The following ZNF609 variants were observed in gnomAD, a reference collection of about 807,000 sequenced individuals.
ZNF609 encodes zinc finger protein 609.
In ZNF609, 11 loss-of-function variants were observed where a neutral mutation model predicts 109.5. That is an observed-to-expected ratio of 0.10 (90% CI 0.06 to 0.17). The LOEUF is 0.17. ZNF609 is among the 10% of genes least tolerant of loss of function. ZNF609 has a pLI of 1.00. For missense variants in ZNF609, 1,559 were observed against 1,772.4 expected (o/e 0.88, Z 2.16); for synonymous variants, 646 against 662.0 (o/e 0.98, Z 0.37).
chr15:64,645,040 CCTTT>C (rs1283058985), intron 3 of ZNF609, among the ~76,000 whole-genome samples: 9 of 142,136 alleles, frequency 6.3e-5, no homozygotes, highest in Admixed American at 2.2e-4. Context: ...TTTCTTCCTT[CCTTT>C]CTTTCTTCCT....
intron 3 of ZNF609, among the ~76,000 whole-genome samples, chr15:64,627,820 G>A (rs558113883): frequency 1.2e-4 from 18 of 150,558 alleles, no homozygotes; most frequent in East Asian, 6.0e-4. Context: ...GGCATGTGCC[G>A]CCGTACTCAG....
At position 64,479,284 on chromosome 15, in the gene ZNF609, A is replaced by ATTTTTTT. The variant is rs34496032; in HGVS notation, c.-128+18465_-128+18471dup. 3.5e-4 allele frequency among the ~76,000 whole-genome samples: 30 copies of ATTTTTTT among 86,530 alleles called. 1 individual carries two copies. The highest frequency in any genetic ancestry group is 8.2e-4 in the African/African-American group (16 of 19,504). 56.8% of individuals were successfully genotyped at this position (86,530 alleles called of 152,430 possible). On this transcript the variant is annotated intron_variant, in intron 1 of 9. Transcript: ENST00000326648. The stretch of plus-strand genomic sequence containing the variant: ...AAAACCTATATATTGTACCTGTGTG[A>ATTTTTTT]TTTTTTTTTTTTTTTTTTTTTTTTT...
At chr15:64,511,238 G>A (rs1044467837) in intron 2 of ZNF609, among the ~76,000 whole-genome samples, 1 of 152,052 alleles carries the variant, frequency 6.6e-6, no homozygotes, top group Non-Finnish European at 1.5e-5. Flanking sequence ...TTGGAAGGCC[G>A]AGGCAGGTGG....
intron 2 of ZNF609, among the ~76,000 whole-genome samples, chr15:64,612,878 G>T (rs1895739817): frequency 6.6e-6 from 1 of 151,998 alleles, no homozygotes; most frequent in Non-Finnish European, 1.5e-5. Context: ...AGCCAGGTGT[G>T]GTGGCATGCG....
intron 3 of ZNF609, among the ~76,000 whole-genome samples, chr15:64,659,167 T>C (rs547152753): frequency 6.6e-6 from 1 of 152,294 alleles, no homozygotes; most frequent in South Asian, 2.1e-4. Context: ...CCCATTGTTG[T>C]TAGAAATAAC....
At chr15:64,528,543 C>G in intron 2 of ZNF609, 1 of 560,968 alleles carries the variant, frequency 1.8e-6, no homozygotes, top group South Asian at 2.1e-5. Flanking sequence ...TCCAAGGGGT[C>G]TGCATGGAAA....
intron 2 of ZNF609, among the ~76,000 whole-genome samples, chr15:64,590,007 C>G (rs1406697670): frequency 6.6e-6 from 1 of 152,100 alleles, no homozygotes. Flanking sequence ...AAACATTATT[C>G]AAGTTTGCTA....
At chr15:64,634,148 A>AG (rs1896132628) in intron 3 of ZNF609, among the ~76,000 whole-genome samples, 1 of 152,036 alleles carries the variant, frequency 6.6e-6, no homozygotes, top group East Asian at 1.9e-4. Flanking sequence ...GAGTATGAAG[A>AG]GGGTGGGTAA....
intron 2 of ZNF609, among the ~76,000 whole-genome samples, chr15:64,616,621 G>A (rs1437093461): frequency 2.2e-5 from 3 of 139,232 alleles, no homozygotes; most frequent in South Asian, 2.3e-4. Context: ...CCAGGTTCAC[G>A]CCATTCTCCT....
At chr15:64,599,368 G>C (rs1338392168) in intron 2 of ZNF609, among the ~76,000 whole-genome samples, 2 of 151,982 alleles carry the variant, frequency 1.3e-5, no homozygotes, top group Admixed American at 6.6e-5. Context: ...ATGTTTGTCT[G>C]TTTGTTCATA....
chr15:64,605,593 A>G (rs970860246), intron 2 of ZNF609, among the ~76,000 whole-genome samples: 6 of 152,248 alleles, frequency 3.9e-5, no homozygotes, highest in Admixed American at 1.3e-4. Context: ...GTTAATCATT[A>G]CAATGACCTT....
chr15:64,514,138 C>T (rs1481218532), intron 2 of ZNF609, among the ~76,000 whole-genome samples: 3 of 151,406 alleles, frequency 2.0e-5, no homozygotes, highest in African/African-American at 7.3e-5. Flanking sequence ...CTGGCTTCCT[C>T]CAGAGCATAT....
intron 2 of ZNF609, among the ~76,000 whole-genome samples, chr15:64,599,616 C>G (rs367856239): frequency 2.1e-4 from 32 of 152,128 alleles, no homozygotes; most frequent in African/African-American, 7.2e-4. Flanking sequence ...GTTTTTATTC[C>G]TAGGAGCCCT....
chr15:64,611,504 A>G (rs1157795684), intron 2 of ZNF609, among the ~76,000 whole-genome samples: 3 of 152,118 alleles, frequency 2.0e-5, no homozygotes, highest in Non-Finnish European at 4.4e-5. Flanking sequence ...TTTCCCACAC[A>G]CTGGGAATTT....
intron 4 of ZNF609, chr15:64,671,350 G>A (rs1290798643): frequency 6.6e-6 from 1 of 151,878 alleles, no homozygotes; most frequent in South Asian, 2.1e-4. Flanking sequence ...ATGCAGATTC[G>A]TTAAGTGTTT....
intron 2 of ZNF609, among the ~76,000 whole-genome samples, chr15:64,546,349 A>G (rs1214850388): frequency 6.6e-6 from 1 of 152,026 alleles, no homozygotes; most frequent in African/African-American, 2.4e-5. Context: ...GGCTCAAGTG[A>G]TCCTCCCACT....
intron 2 of ZNF609, among the ~76,000 whole-genome samples, chr15:64,581,725 G>T (rs1895108131): frequency 6.6e-6 from 1 of 151,902 alleles, no homozygotes. Context: ...ATGGGAGTAG[G>T]GCAAGTTAAG....
intron 3 of ZNF609, among the ~76,000 whole-genome samples, chr15:64,639,908 C>CT (rs1191493666): frequency 1.3e-5 from 2 of 151,924 alleles, no homozygotes; most frequent in African/African-American, 4.8e-5. Context: ...TTGAGTTCCT[C>CT]TTTTTTTGCT....
chr15:64,519,806 A>G (rs1231129060), intron 2 of ZNF609, among the ~76,000 whole-genome samples: 2 of 152,156 alleles, frequency 1.3e-5, no homozygotes, highest in African/African-American at 2.4e-5. Context: ...AATCAGGCCT[A>G]TGTTTGAATC....
Sources: gnomAD v4.1 joint callset for allele counts (sites outside exome capture counted in the v4.1 genomes callset) on GRCh38, gnomAD v4.1.1 for gene constraint, MANE v1.5 for transcripts, NCBI Gene and HGNC (gene_info 2026-07-23, HGNC 2026-07-21) for gene names.